The following OSBPL1A variants were observed in gnomAD, a reference collection of about 807,000 sequenced individuals.
OSBPL1A encodes oxysterol-binding protein-related protein 1.
OSBPL1A carries 80 observed loss-of-function variants against 137.1 expected under a neutral mutation model. The ratio of observed to expected loss-of-function variants is 0.58; its 90% CI spans 0.49 to 0.70. The LOEUF (loss-of-function observed/expected upper bound fraction) is 0.70. Ranked by LOEUF, OSBPL1A falls within the 30% of genes least tolerant of loss-of-function variation. The pLI is 0.00. For missense variants in OSBPL1A, 970 were observed against 1,129.4 expected (o/e 0.86, Z 2.02); for synonymous variants, 365 against 389.7 (o/e 0.94, Z 0.75).
intron 7 of OSBPL1A, among the ~76,000 whole-genome samples, chr18:24,331,830 T>C (rs967190797): frequency 6.6e-6 from 1 of 152,206 alleles, no homozygotes; most frequent in African/African-American, 2.4e-5. Flanking sequence ...ATCTGGCTAT[T>C]GCTAAAATTC....
chr18:24,365,697 G>C (rs1456813552), intron 4 of OSBPL1A, among the ~76,000 whole-genome samples: 1 of 152,144 alleles, frequency 6.6e-6, no homozygotes, highest in Non-Finnish European at 1.5e-5. Flanking sequence ...AAACAGGCAT[G>C]AGGAAACTTC....
chr18:24,235,177 G>A (rs574204964), intron 16 of OSBPL1A, among the ~76,000 whole-genome samples: 9 of 152,290 alleles, frequency 5.9e-5, no homozygotes, highest in South Asian at 2.1e-4. Context: ...TGGTGTGTAC[G>A]GGATGAACGT....
chr18:24,328,537 G>C (rs1414180287), intron 7 of OSBPL1A, among the ~76,000 whole-genome samples: 1 of 152,056 alleles, frequency 6.6e-6, no homozygotes, highest in African/African-American at 2.4e-5. Flanking sequence ...AGGCTCTCTG[G>C]GGAAGCAGAG....
chr18:24,392,027 C>T (rs1262108257), intron 1 of OSBPL1A, among the ~76,000 whole-genome samples: 4 of 151,290 alleles, frequency 2.6e-5, no homozygotes, highest in South Asian at 2.1e-4. Flanking sequence ...AGCTAATTTT[C>T]GTATTTTTTG....
intron 1 of OSBPL1A, among the ~76,000 whole-genome samples, chr18:24,391,257 A>ATAGAATGGTGG (rs1491327135): frequency 1.3e-5 from 2 of 152,228 alleles, no homozygotes; most frequent in East Asian, 1.9e-4. Context: ...CAGACAAAAC[A>ATAGAATGGTGG]TAGAATGGTG....
intron 14 of OSBPL1A, among the ~76,000 whole-genome samples, chr18:24,289,034 G>A (rs2090125031): frequency 6.6e-6 from 1 of 152,110 alleles, no homozygotes; most frequent in Admixed American, 6.6e-5. Flanking sequence ...GAAGAACAAT[G>A]ACTCCAAAGT....
At chr18:24,321,382 G>A (rs549178995) in intron 7 of OSBPL1A, among the ~76,000 whole-genome samples, 8 of 152,164 alleles carry the variant, frequency 5.3e-5, no homozygotes, top group African/African-American at 1.7e-4. Context: ...CCACAGCCTC[G>A]ACCTCTTGGG....
chr18:24,272,153 ACG>A, intron 15 of OSBPL1A: 1 of 983,120 alleles, frequency 1.0e-6, no homozygotes, highest in Non-Finnish European at 1.2e-6. Context: ...CTTGGGCTCT[ACG>A]TGAGTGCCGC....
intron 7 of OSBPL1A, among the ~76,000 whole-genome samples, chr18:24,327,645 A>C (rs911362246): frequency 6.6e-6 from 1 of 151,758 alleles, no homozygotes; most frequent in African/African-American, 2.4e-5. Flanking sequence ...CTGACCTCAA[A>C]TTATCCGCCT....
rs1211637974 is a variant in OSBPL1A, at chr18:24,331,397, C to CTTTT, written c.625+1541_625+1544dup. Among the ~76,000 whole-genome samples, 34 of 140,448 alleles carry CTTTT rather than the reference C, an allele frequency of 2.4e-4. 1 individual carries two copies. In the South Asian group the frequency reaches 7.5e-3, roughly 31 times the overall value. 92.1% of individuals were successfully genotyped at this position (140,448 alleles called of 152,430 possible). A position where few individuals can be genotyped will look rare whatever the true frequency, so the allele number is the denominator to read the frequency against. On this transcript the variant is annotated intron_variant, in intron 7 of 27. Transcript: ENST00000319481. ...GAAAAGGCCCTGATGGCATGTTCCT[C>CTTTT]TTTTTTTTTTTTTTTTTGAGACAGA...
chr18:24,288,989 G>C (rs1429539312), intron 14 of OSBPL1A, among the ~76,000 whole-genome samples: 1 of 152,120 alleles, frequency 6.6e-6, no homozygotes, highest in East Asian at 1.9e-4. Flanking sequence ...ACTTGAATGG[G>C]AGAACTGATC....
intron 15 of OSBPL1A, among the ~76,000 whole-genome samples, chr18:24,274,736 C>T (rs563548727): frequency 7.9e-5 from 12 of 152,054 alleles, no homozygotes; most frequent in African/African-American, 2.7e-4. Flanking sequence ...AGTGAAACCC[C>T]ATCTCTACTA....
chr18:24,284,538 G>A (rs777440072), intron 14 of OSBPL1A, among the ~76,000 whole-genome samples: 1 of 152,032 alleles, frequency 6.6e-6, no homozygotes, highest in Non-Finnish European at 1.5e-5. Context: ...TTTTTAATTG[G>A]GTAAGTTTTT....
chr18:24,314,905 G>A (rs2090690289), intron 11 of OSBPL1A, among the ~76,000 whole-genome samples: 2 of 152,108 alleles, frequency 1.3e-5, no homozygotes, highest in African/African-American at 4.8e-5. Flanking sequence ...TGAGCAGTAG[G>A]ATATAAATAA....
chr18:24,191,459 T>A (rs970903741), intron 18 of OSBPL1A, among the ~76,000 whole-genome samples: 3 of 152,336 alleles, frequency 2.0e-5, no homozygotes, highest in Non-Finnish European at 4.4e-5. Flanking sequence ...TTACTGAAGA[T>A]CCTGTCTCAT....
At chr18:24,294,695 C>T (rs2090258087) in intron 14 of OSBPL1A, among the ~76,000 whole-genome samples, 4 of 152,180 alleles carry the variant, frequency 2.6e-5, no homozygotes, top group Admixed American at 2.0e-4. Flanking sequence ...ATTCCATTCA[C>T]TTAGAATAAT....
intron 7 of OSBPL1A, among the ~76,000 whole-genome samples, chr18:24,320,595 G>C (rs1407539236): frequency 6.6e-6 from 1 of 152,152 alleles, no homozygotes; most frequent in Non-Finnish European, 1.5e-5. Context: ...CATCACACAA[G>C]GGGTTTGTAG....
At chr18:24,369,511 G>A (rs544704489) in intron 2 of OSBPL1A, among the ~76,000 whole-genome samples, 23 of 152,236 alleles carry the variant, frequency 1.5e-4, no homozygotes, top group Admixed American at 8.5e-4. Context: ...GGGAAAGAGC[G>A]ATGGTTTCAC....
In OSBPL1A at chr18:24,162,426, CTA is replaced by C. The variant is rs750629409; in HGVS notation, c.*751_*752del. On this transcript the variant is annotated 3_prime_UTR_variant, in exon 28 of 28. Coordinates refer to ENST00000319481, the MANE Select transcript of OSBPL1A (RefSeq NM_080597.4). ...GTCATTATGTAATGGTGATTAAAAT[CTA>C]TATTTCTAGGGCATTTTTGTGAATT... 18 of 152,184 alleles carry C rather than the reference CTA, an allele frequency of 1.2e-4. No homozygotes were observed. Among genetic ancestry groups the C allele is most frequent in the Non-Finnish European group, 1.0e-4 (7 of 68,032 alleles). 9.4% of individuals were successfully genotyped at this position (152,184 alleles called of 1,614,324 possible).
Sources: allele counts gnomAD v4.1 joint callset (sites outside exome capture counted in the v4.1 genomes callset), GRCh38; gene constraint gnomAD v4.1.1; transcripts MANE v1.5; gene names NCBI Gene and HGNC (gene_info 2026-07-23, HGNC 2026-07-21).